Variants in REDIC1 observed in about 807,000 individuals in gnomAD.
REDIC1 encodes HEI10 Interacting Protein 1.
chr12:39,714,138 C>A, the REDIC1 span, among the ~76,000 whole-genome samples: 1 of 147,580 alleles, frequency 6.8e-6, no homozygotes, highest in Non-Finnish European at 1.5e-5. Flanking sequence ...TATGTACATA[C>A]GTATATATGT....
chr12:39,639,773 T>C, the REDIC1 span, among the ~76,000 whole-genome samples: 1 of 151,966 alleles, frequency 6.6e-6, no homozygotes, highest in Admixed American at 6.6e-5. Flanking sequence ...GTGGAAGATA[T>C]ATGCTATTTA....
the REDIC1 span, among the ~76,000 whole-genome samples, chr12:39,805,110 T>A: frequency 1.6e-5 from 2 of 127,584 alleles, no homozygotes; most frequent in South Asian, 5.9e-4. Context: ...GTGACGACAA[T>A]GGAGGGAGCC....
At chr12:39,716,591 T>A in the REDIC1 span, among the ~76,000 whole-genome samples, 6 of 152,052 alleles carry the variant, frequency 3.9e-5, no homozygotes, top group Non-Finnish European at 7.4e-5. Context: ...CTGTCAGAAT[T>A]GTAAGGTGCC....
At chr12:39,869,845 T>G in the REDIC1 span, among the ~76,000 whole-genome samples, 1 of 152,248 alleles carries the variant, frequency 6.6e-6, no homozygotes, top group Non-Finnish European at 1.5e-5. Flanking sequence ...AATAATGCTG[T>G]GACAGCTAAA....
At chr12:39,738,426 G>C in the REDIC1 span, among the ~76,000 whole-genome samples, 1 of 152,158 alleles carries the variant, frequency 6.6e-6, no homozygotes, top group Non-Finnish European at 1.5e-5. Flanking sequence ...TAAACCAAGG[G>C]AGCTGTATTT....
chr12:39,738,555 A>G, the REDIC1 span, among the ~76,000 whole-genome samples: 1 of 152,220 alleles, frequency 6.6e-6, no homozygotes. Flanking sequence ...AATTTCTTTG[A>G]CACTCCTTCC....
chr12:39,693,825 T>C, the REDIC1 span, among the ~76,000 whole-genome samples: 1 of 152,158 alleles, frequency 6.6e-6, no homozygotes, highest in Non-Finnish European at 1.5e-5. Flanking sequence ...CATTGTTAAG[T>C]TAAAGGAGAA....
chr12:39,655,546 G>A, the REDIC1 span, among the ~76,000 whole-genome samples: 1 of 152,126 alleles, frequency 6.6e-6, no homozygotes. Context: ...GTTTATCAAA[G>A]CTCATTATGA....
chr12:39,663,494 G>A, the REDIC1 span, among the ~76,000 whole-genome samples: 2 of 151,964 alleles, frequency 1.3e-5, no homozygotes, highest in African/African-American at 4.8e-5. Flanking sequence ...TGAGTTTCTT[G>A]TGGGTAGCAT....
the REDIC1 span, among the ~76,000 whole-genome samples, chr12:39,906,871 T>C: frequency 1.3e-5 from 2 of 152,104 alleles, no homozygotes; most frequent in Non-Finnish European, 2.9e-5. Flanking sequence ...AAAACAATTA[T>C]GAGGGAAGAT....
chr12:39,629,080 AC>A, the REDIC1 span, among the ~76,000 whole-genome samples: 1 of 152,240 alleles, frequency 6.6e-6, no homozygotes, highest in Non-Finnish European at 1.5e-5. Flanking sequence ...AGGAAGTTAC[AC>A]TAAGCCTTGA....
chr12:39,712,220 A>G, the REDIC1 span, among the ~76,000 whole-genome samples: 1 of 143,274 alleles, frequency 7.0e-6, no homozygotes, highest in East Asian at 2.1e-4. Flanking sequence ...GTATATATAC[A>G]TGTATATATA....
the REDIC1 span, among the ~76,000 whole-genome samples, chr12:39,635,004 G>A: frequency 8.6e-5 from 13 of 151,930 alleles, no homozygotes; most frequent in South Asian, 1.5e-3. Context: ...AAAAGAAGAC[G>A]TTTATGCACC....
chr12:39,783,116 C>T, the REDIC1 span, among the ~76,000 whole-genome samples: 12 of 152,202 alleles, frequency 7.9e-5, no homozygotes, highest in East Asian at 3.9e-4. Context: ...TGAGAACATG[C>T]GGTGTTTGGT....
chr12:39,788,540 A>T, the REDIC1 span: 1 of 152,170 alleles, frequency 6.6e-6, no homozygotes, highest in African/African-American at 2.4e-5. Flanking sequence ...ATAATTGTTT[A>T]TTTCTGAAAT....
the REDIC1 span, among the ~76,000 whole-genome samples, chr12:39,904,687 C>T: frequency 6.6e-6 from 1 of 152,120 alleles, no homozygotes; most frequent in Non-Finnish European, 1.5e-5. Flanking sequence ...TCCAGCCTGT[C>T]CTTATATGCC....
the REDIC1 span, among the ~76,000 whole-genome samples, chr12:39,651,972 A>AT: frequency 6.6e-6 from 1 of 152,098 alleles, no homozygotes; most frequent in Non-Finnish European, 1.5e-5. Flanking sequence ...ATTTTCTATA[A>AT]TTTTAAATAA....
the REDIC1 span, among the ~76,000 whole-genome samples, chr12:39,689,607 A>G: frequency 6.6e-6 from 1 of 152,148 alleles, no homozygotes. Context: ...AAAAATTGTC[A>G]AATTCCTGAG....
chr12:39,777,954 A>G, the REDIC1 span, among the ~76,000 whole-genome samples: 1 of 152,210 alleles, frequency 6.6e-6, no homozygotes, highest in Non-Finnish European at 1.5e-5. Context: ...TGAGCTGACT[A>G]ACACGAGCTA....
Sources: allele counts gnomAD v4.1 joint callset (sites outside exome capture counted in the v4.1 genomes callset), GRCh38; gene constraint gnomAD v4.1.1; transcripts MANE v1.5; gene names NCBI Gene and HGNC (gene_info 2026-07-23, HGNC 2026-07-21).